The following RASGRF2 variants were observed in gnomAD, a reference collection of about 807,000 sequenced individuals.
RASGRF2 encodes the protein ras-specific guanine nucleotide-releasing factor 2.
Under a neutral mutation model 151.0 loss-of-function variants are expected in RASGRF2, and 76 were observed. The observed-to-expected ratio is 0.50, with a 90% confidence interval of 0.42 to 0.61. RASGRF2 has a LOEUF of 0.61. Among genes scored for constraint, RASGRF2 ranks in the 20% least tolerant of loss-of-function variants. RASGRF2 has a pLI of 0.00. For missense variants in RASGRF2, 1,148 were observed against 1,564.6 expected (o/e 0.73, Z 4.49); for synonymous variants, 504 against 566.5 (o/e 0.89, Z 1.57).
At chr5:81,160,293 C>T (rs780805626) in intron 17 of RASGRF2, among the ~76,000 whole-genome samples, 16 of 152,010 alleles carry the variant, frequency 1.1e-4, no homozygotes, top group Non-Finnish European at 2.1e-4. Context: ...TGGTGGCGCA[C>T]GCCTGTAATC....
intron 17 of RASGRF2, among the ~76,000 whole-genome samples, chr5:81,130,029 A>G (rs1032304174): frequency 6.6e-6 from 1 of 152,186 alleles, no homozygotes; most frequent in Admixed American, 6.5e-5. Flanking sequence ...AGAAGGAAAA[A>G]GTAACCAAAA....
At chr5:81,083,133 A>G (rs1358468280) in intron 7 of RASGRF2, among the ~76,000 whole-genome samples, 1 of 152,190 alleles carries the variant, frequency 6.6e-6, no homozygotes, top group Admixed American at 6.5e-5. Flanking sequence ...AATGAAGTGA[A>G]ATAGTCATGG....
At chr5:81,130,850 G>C (rs559174559) in intron 17 of RASGRF2, among the ~76,000 whole-genome samples, 107 of 152,246 alleles carry the variant, frequency 7.0e-4, no homozygotes, top group African/African-American at 2.4e-3. Flanking sequence ...GATACAGATA[G>C]ACTTGGGGAT....
intron 18 of RASGRF2, among the ~76,000 whole-genome samples, chr5:81,189,519 C>A (rs1290955553): frequency 6.9e-6 from 1 of 144,026 alleles, no homozygotes; most frequent in Non-Finnish European, 1.5e-5. Context: ...GAGATGGGGT[C>A]TTGTTCTGTC....
intron 1 of RASGRF2, among the ~76,000 whole-genome samples, chr5:81,029,950 G>A (rs1020880231): frequency 6.6e-6 from 1 of 152,166 alleles, no homozygotes; most frequent in Non-Finnish European, 1.5e-5. Flanking sequence ...ATGTAGAGAA[G>A]ACCTTAAATG....
rs80265917 is a variant in RASGRF2 at position 81,077,322 on chromosome 5, G to A, written c.888-2799G>A. 6.9e-3 allele frequency among the ~76,000 whole-genome samples: 1,058 copies of A among 152,282 alleles called. 29 individuals carry two copies. Among genetic ancestry groups the A allele is most frequent in the Admixed American group, 0.049 (744 of 15,298 alleles). On this transcript the variant is annotated intron_variant, in intron 5 of 26. Coordinates refer to ENST00000265080, the MANE Select transcript of RASGRF2 (RefSeq NM_006909.3). The stretch of plus-strand genomic sequence containing the variant: ...TCAATGGAGGACAAGATCTTTGGAG[G>A]AAGAGTTCAAGGTCCTGTGAGGCCA...
intron 5 of RASGRF2, among the ~76,000 whole-genome samples, chr5:81,075,550 T>C (rs1451601888): frequency 1.3e-5 from 2 of 152,036 alleles, no homozygotes; most frequent in African/African-American, 2.4e-5. Context: ...GACTCAACAG[T>C]TGGGATTTGT....
chr5:81,180,051 A>ACC (rs1754877626), intron 17 of RASGRF2, 124 bp from the exon 18 acceptor site: 1 of 637,124 alleles, frequency 1.6e-6, no homozygotes, highest in Non-Finnish European at 2.9e-6. Flanking sequence ...AGCCACGCGC[A>ACC]CCTCTCTGCC....
chr5:81,117,416 C>T (rs1014290336), intron 15 of RASGRF2, among the ~76,000 whole-genome samples: 1 of 152,100 alleles, frequency 6.6e-6, no homozygotes, highest in African/African-American at 2.4e-5. Context: ...GAGAGGGGGC[C>T]AAACTTAGGC....
intron 1 of RASGRF2, among the ~76,000 whole-genome samples, chr5:81,021,169 A>G (rs1367021833): frequency 6.6e-6 from 1 of 152,202 alleles, no homozygotes. Flanking sequence ...AGCCTATGTA[A>G]GATTTGCTAT....
intron 1 of RASGRF2, among the ~76,000 whole-genome samples, chr5:80,962,953 T>C (rs561359566): frequency 1.3e-5 from 2 of 152,322 alleles, no homozygotes; most frequent in South Asian, 4.1e-4. Context: ...AAATCTGAGA[T>C]GTAGAGAAGC....
At chr5:81,134,072 T>TTGTG (rs1287297835) in intron 17 of RASGRF2, among the ~76,000 whole-genome samples, 10 of 78,102 alleles carry the variant, frequency 1.3e-4, no homozygotes, top group African/African-American at 3.9e-4. Context: ...TAGGAAATGC[T>TTGTG]TGTGTGCGTG....
intron 14 of RASGRF2, 41 bp from the exon 15 acceptor site, chr5:81,113,496 AC>A (rs771928363): frequency 8.5e-6 from 13 of 1,528,204 alleles, no homozygotes. Flanking sequence ...AATTCATTTC[AC>A]TTGGCTACAA....
intron 18 of RASGRF2, among the ~76,000 whole-genome samples, chr5:81,187,338 G>A (rs1423572575): frequency 2.0e-5 from 3 of 152,166 alleles, no homozygotes; most frequent in South Asian, 4.1e-4. Flanking sequence ...ATAGTCCCAC[G>A]TGACTAATGG....
At chr5:81,132,862 ATATAAAAT>A (rs1312887286) in intron 17 of RASGRF2, among the ~76,000 whole-genome samples, 1 of 152,228 alleles carries the variant, frequency 6.6e-6, no homozygotes, top group Non-Finnish European at 1.5e-5. Flanking sequence ...AAGGAAAATA[ATATAAAAT>A]TATAAATATA....
intron 17 of RASGRF2, among the ~76,000 whole-genome samples, chr5:81,128,245 C>T (rs939554812): frequency 2.0e-5 from 3 of 151,962 alleles, no homozygotes; most frequent in African/African-American, 4.8e-5. Flanking sequence ...AAAAATGTAC[C>T]GCATACTTGA....
intron 9 of RASGRF2, chr5:81,088,305 A>C (rs1311484736): frequency 6.6e-6 from 1 of 152,280 alleles, no homozygotes; most frequent in Non-Finnish European, 1.5e-5. Flanking sequence ...GATACCTCGA[A>C]GGAGCCTTTT....
At chr5:81,017,723 A>G (rs532511966) in intron 1 of RASGRF2, among the ~76,000 whole-genome samples, 52 of 152,204 alleles carry the variant, frequency 3.4e-4, no homozygotes, top group Non-Finnish European at 6.9e-4. Context: ...CATGGGATAG[A>G]GTTATGGTAA....
At chr5:81,193,277 C>T (rs187633895) in intron 18 of RASGRF2, among the ~76,000 whole-genome samples, 4 of 152,290 alleles carry the variant, frequency 2.6e-5, no homozygotes, top group South Asian at 4.1e-4. Context: ...AACAGGGATT[C>T]GTTTTAAAGT....
Sources: allele counts gnomAD v4.1 joint callset (sites outside exome capture counted in the v4.1 genomes callset), GRCh38; gene constraint gnomAD v4.1.1; transcripts MANE v1.5; gene names NCBI Gene and HGNC (gene_info 2026-07-23, HGNC 2026-07-21).